The following PRKRA variants were observed in gnomAD, a reference collection of about 807,000 sequenced individuals.
The protein encoded by PRKRA is interferon-inducible double-stranded RNA-dependent protein kinase activator A.
In PRKRA, 22 loss-of-function variants were observed where a neutral mutation model predicts 32.4. The ratio of observed to expected loss-of-function variants is 0.68; its 90% CI spans 0.49 to 0.97. PRKRA has a LOEUF of 0.97. Among genes scored for constraint, PRKRA ranks in the 50% least tolerant of loss-of-function variants. The pLI, the probability that PRKRA is intolerant of heterozygous loss-of-function variation, is 0.00. For synonymous variants in PRKRA, 139 were observed against 129.8 expected (o/e 1.07, Z -0.48); for missense variants, 319 against 375.6 (o/e 0.85, Z 1.25).
chr2:178,447,675 T>A, intron 2 of PRKRA, 89 bp from the exon 3 acceptor site: 1 of 1,194,576 alleles, frequency 8.4e-7, no homozygotes, highest in Non-Finnish European at 1.1e-6. Flanking sequence ...ACAAAGTCAC[T>A]ATAGATTTTA....
chr2:178,436,019 A>AC (rs921212181), intron 7 of PRKRA, 126 bp downstream of exon 7: 8 of 818,654 alleles, frequency 9.8e-6, no homozygotes, highest in Non-Finnish European at 1.5e-5. Context: ...AATTATATAT[A>AC]CTTAGAATCC....
intron 1 of PRKRA, 165 bp from the exon 2 acceptor site, chr2:178,450,576 C>T: frequency 1.3e-6 from 2 of 1,505,198 alleles, no homozygotes; most frequent in South Asian, 1.3e-5. Context: ...CTTCCGGCCC[C>T]GCTGCGGCAG....
chr2:178,450,732 C>CCGAG, intron 1 of PRKRA: 1 of 1,366,324 alleles, frequency 7.3e-7, no homozygotes, highest in South Asian at 1.9e-5. Flanking sequence ...GGCGCGCCGA[C>CCGAG]CGAGCGTCAC....
intron 7 of PRKRA, among the ~76,000 whole-genome samples, chr2:178,435,383 CAAAAAAAAAAA>C (rs765962501): frequency 2.6e-4 from 16 of 61,436 alleles, no homozygotes; most frequent in Non-Finnish European, 5.0e-4. Flanking sequence ...TACTCCGTCT[CAAAAAAAAAAA>C]AAAAAAAAAA....
intron 6 of PRKRA, chr2:178,439,266 G>A (rs148365427): frequency 6.6e-6 from 1 of 152,214 alleles, no homozygotes; most frequent in Admixed American, 6.5e-5. Context: ...CGTAAGTTTT[G>A]TCAAAGTGAT....
intron 3 of PRKRA, among the ~76,000 whole-genome samples, chr2:178,446,729 T>TA (rs1414280364): frequency 6.6e-6 from 1 of 152,058 alleles, no homozygotes; most frequent in Non-Finnish European, 1.5e-5. Flanking sequence ...CCTAAAGTAG[T>TA]AAAAAATCTA....
chr2:178,446,992 C>CAAAA lies in PRKRA; in HGVS notation c.317+509_317+512dup, dbSNP rs780283451. ...TGGGCGACAGAGCGAGACTCCGTCT[C>CAAAA]AAAAAAAAAAAAAAAAAAAAAAAAA... On this transcript the variant is annotated intron_variant, in intron 3 of 7. Coordinates refer to ENST00000325748, the MANE Select transcript of PRKRA (RefSeq NM_003690.5). 3.6e-3 allele frequency among the ~76,000 whole-genome samples: 164 copies of CAAAA among 45,996 alleles called. 4 individuals carry two copies. The highest frequency in any genetic ancestry group is 6.3e-3 in the African/African-American group (78 of 12,336). 30.2% of individuals were successfully genotyped at this position (45,996 alleles called of 152,430 possible).
intron 2 of PRKRA, among the ~76,000 whole-genome samples, chr2:178,447,984 CA>C (rs1482100969): frequency 6.6e-6 from 1 of 152,168 alleles, no homozygotes; most frequent in Non-Finnish European, 1.5e-5. Flanking sequence ...TCTTCTGCAG[CA>C]AGAAGTTTCT....
chr2:178,439,206 C>T (rs1226884449), intron 6 of PRKRA: 1 of 151,998 alleles, frequency 6.6e-6, no homozygotes, highest in Non-Finnish European at 1.5e-5. Context: ...TATATTTTCT[C>T]AGAATAGGAT....
intron 4 of PRKRA, chr2:178,443,832 A>C (rs148474248): frequency 5.7e-6 from 1 of 176,632 alleles, no homozygotes; most frequent in Non-Finnish European, 1.2e-5. Flanking sequence ...GGGGGACAGA[A>C]GGTGAAGAAA....
At chr2:178,450,747 G>A (rs1697571897) in intron 1 of PRKRA, 3 of 1,352,764 alleles carry the variant, frequency 2.2e-6, no homozygotes, top group Non-Finnish European at 2.8e-6. Flanking sequence ...CGTCACCTCC[G>A]CCCGCCCCGC....
In PRKRA at chr2:178,432,052, G is replaced by A. The variant is rs1696677327; in HGVS notation, c.*45C>T. ...TTTTACTTGGGAAGGGGCCAGAGGGGAACTTTTTATGTGCTACTGAAAGAT... is the reference window on the plus strand; with the variant it reads ...TTTTACTTGGGAAGGGGCCAGAGGGAAACTTTTTATGTGCTACTGAAAGAT... On this transcript the variant is annotated 3_prime_UTR_variant, in exon 8 of 8. Transcript: ENST00000325748. The A allele has an allele frequency of 6.2e-7, 1 of 1,605,742 alleles. No individual in the cohort carries two copies. Among genetic ancestry groups the A allele is most frequent in the Non-Finnish European group, 8.5e-7 (1 of 1,173,254 alleles).
Position 178,432,332 on chromosome 2 carries a change from CTTA to C in PRKRA, c.785-81_785-79del, listed in dbSNP as rs1358667394. 1.7e-5 allele frequency: 22 copies of C among 1,284,746 alleles called. No individual in the cohort carries two copies. The Admixed American group carries it at 2.9e-4, about 17-fold the overall frequency. The allele number at this position is 1,284,746 out of a possible 1,614,324, so 79.6% of individuals were successfully genotyped here. ...ATCCCTTTGTAAAAACAATACAATTCTTATTATTGTCTTTCTTTTTAAGCCTCC... is the reference window on the plus strand; with the variant it reads ...ATCCCTTTGTAAAAACAATACAATTCTTATTGTCTTTCTTTTTAAGCCTCC... On this transcript the variant is annotated intron_variant, in intron 7 of 7. Transcript: ENST00000325748.
At chr2:178,438,556 C>T (rs767805290) in intron 6 of PRKRA, among the ~76,000 whole-genome samples, 7 of 152,166 alleles carry the variant, frequency 4.6e-5, no homozygotes, top group South Asian at 2.1e-4. Flanking sequence ...GTTTTGTTCT[C>T]TAGTAAAGCA....
At chr2:178,446,059 G>A (rs552887470) in intron 3 of PRKRA, among the ~76,000 whole-genome samples, 2 of 151,266 alleles carry the variant, frequency 1.3e-5, no homozygotes, top group East Asian at 2.0e-4. Flanking sequence ...GGGTTTCACA[G>A]GCTGGAGTGC....
intron 3 of PRKRA, among the ~76,000 whole-genome samples, chr2:178,444,872 G>A (rs1380451600): frequency 6.6e-6 from 1 of 152,152 alleles, no homozygotes; most frequent in Non-Finnish European, 1.5e-5. Context: ...AGCTCCTTGA[G>A]GTAGGGCCTA....
Position 178,447,355 on chromosome 2 carries a change from T to C in PRKRA, c.317+150A>G, listed in dbSNP as rs554924615. On this transcript the variant is annotated intron_variant, in intron 3 of 7. Coordinates refer to ENST00000325748, the MANE Select transcript of PRKRA (RefSeq NM_003690.5). ...TTTGATTGGATAAAGTTTTCTTTAA[T>C]GGATGATAAGTTTTCATAAGGAAAT... is the stretch of plus-strand genomic sequence containing the variant. 76 of 1,367,074 alleles carry C rather than the reference T, an allele frequency of 5.6e-5. No individual in the cohort carries two copies. The African/African-American group carries it at 8.9e-4, about 16-fold the overall frequency. 84.7% of individuals were successfully genotyped at this position (1,367,074 alleles called of 1,614,324 possible). A position where few individuals can be genotyped will look rare whatever the true frequency, so the allele number is the denominator to read the frequency against.
chr2:178,438,672 C>T (rs1390265486), intron 6 of PRKRA, among the ~76,000 whole-genome samples: 2 of 151,362 alleles, frequency 1.3e-5, no homozygotes, highest in African/African-American at 2.4e-5. Context: ...CCAAAATGAA[C>T]GCTGGTAGGT....
At chr2:178,435,924 GT>G (rs1387933009) in intron 7 of PRKRA, among the ~76,000 whole-genome samples, 1 of 152,120 alleles carries the variant, frequency 6.6e-6, no homozygotes, top group Non-Finnish European at 1.5e-5. Context: ...TGCTATTGTT[GT>G]TTTTGTTATA....
Sources: allele counts gnomAD v4.1 joint callset (sites outside exome capture counted in the v4.1 genomes callset), GRCh38; gene constraint gnomAD v4.1.1; transcripts MANE v1.5; gene names NCBI Gene and HGNC (gene_info 2026-07-23, HGNC 2026-07-21).